Variants in CCL28 observed in about 807,000 individuals in gnomAD.
CCL28 encodes the protein C-C motif chemokine ligand 28.
CCL28 carries 4 observed loss-of-function variants against 7.1 expected under a neutral mutation model. The observed-to-expected ratio is 0.56, with a 90% CI of 0.28 to 1.29. CCL28 has a LOEUF of 1.29. Among genes scored for constraint, CCL28 ranks in the 50% most tolerant of loss-of-function variants. CCL28 has a pLI of 0.11. For missense variants in CCL28, 151 were observed against 163.4 expected (o/e 0.92, Z 0.41); for synonymous variants, 55 against 57.8 (o/e 0.95, Z 0.22).
At chr5:43,360,615 C>T in the CCL28 span, among the ~76,000 whole-genome samples, 2 of 152,070 alleles carry the variant, frequency 1.3e-5, no homozygotes, top group African/African-American at 4.8e-5. Context: ...TTTTTTATGG[C>T]TGCATAGTAT....
chr5:43,401,629 G>C (rs1741043409), intron 1 of CCL28, among the ~76,000 whole-genome samples: 1 of 152,178 alleles, frequency 6.6e-6, no homozygotes, highest in Non-Finnish European at 1.5e-5. Context: ...ACATTTAAGT[G>C]CTTAGAACAG....
intron 1 of CCL28, among the ~76,000 whole-genome samples, chr5:43,410,982 G>A (rs530747228): frequency 5.3e-5 from 8 of 152,240 alleles, no homozygotes; most frequent in Non-Finnish European, 8.8e-5. Context: ...GTACATTGAC[G>A]GACTATATTG....
the CCL28 span, among the ~76,000 whole-genome samples, chr5:43,364,492 AAAAT>A: frequency 6.6e-6 from 1 of 152,202 alleles, no homozygotes; most frequent in Non-Finnish European, 1.5e-5. Flanking sequence ...TGTGTTGATA[AAAAT>A]AAAGAATTTT....
chr5:43,391,042 G>A (rs1393401531), intron 1 of CCL28, among the ~76,000 whole-genome samples: 1 of 152,210 alleles, frequency 6.6e-6, no homozygotes, highest in Admixed American at 6.5e-5. Flanking sequence ...GTGTGCTTCT[G>A]TAGAGTGTGT....
At chr5:43,372,654 C>A (rs1288003924), downstream of CCL28, among the ~76,000 whole-genome samples, 2 of 152,072 alleles carry the variant, frequency 1.3e-5, no homozygotes, top group South Asian at 2.1e-4. Context: ...CAAGGGCGAG[C>A]CACCATGCCC....
chr5:43,397,614 A>T (rs1561163448), intron 1 of CCL28, among the ~76,000 whole-genome samples: 2 of 152,324 alleles, frequency 1.3e-5, no homozygotes, highest in South Asian at 4.1e-4. Flanking sequence ...AATTAATGCA[A>T]AAAAGTCTAT....
chr5:43,373,420 C>T (rs1739827317), downstream of CCL28, among the ~76,000 whole-genome samples: 1 of 152,078 alleles, frequency 6.6e-6, no homozygotes, highest in Admixed American at 6.5e-5. Flanking sequence ...CCTGCCTCAG[C>T]CTCCCGAGTA....
the CCL28 span, among the ~76,000 whole-genome samples, chr5:43,363,858 G>T: frequency 6.6e-6 from 1 of 152,152 alleles, no homozygotes; most frequent in Non-Finnish European, 1.5e-5. Context: ...GAGAGGAGAG[G>T]ATCATCTTAT....
At chr5:43,370,474 C>T in the CCL28 span, among the ~76,000 whole-genome samples, 1 of 152,098 alleles carries the variant, frequency 6.6e-6, no homozygotes, top group African/African-American at 2.4e-5. Flanking sequence ...CCTGCTTCTT[C>T]TAATATCTTT....
intron 1 of CCL28, among the ~76,000 whole-genome samples, chr5:43,409,097 G>C (rs1161578624): frequency 1.3e-5 from 2 of 152,038 alleles, no homozygotes; most frequent in Non-Finnish European, 2.9e-5. Flanking sequence ...GGGCAACATA[G>C]TGAGACTCTA....
At chr5:43,394,316 A>G (rs1202454399) in intron 1 of CCL28, among the ~76,000 whole-genome samples, 1 of 152,078 alleles carries the variant, frequency 6.6e-6, no homozygotes, top group Non-Finnish European at 1.5e-5. Flanking sequence ...TTGATCCTTT[A>G]CCTTTTAGAT....
At chr5:43,396,281 C>G (rs1740800438) in intron 1 of CCL28, among the ~76,000 whole-genome samples, 1 of 152,090 alleles carries the variant, frequency 6.6e-6, no homozygotes, top group African/African-American at 2.4e-5. Flanking sequence ...AGAGGTTACC[C>G]TTGTGGCCAT....
chr5:43,374,864 T>C (rs1489377316), downstream of CCL28, among the ~76,000 whole-genome samples: 1 of 152,096 alleles, frequency 6.6e-6, no homozygotes, highest in Non-Finnish European at 1.5e-5. Context: ...CCTCTCATTC[T>C]CTAGTTAAGC....
chr5:43,364,693 G>C, the CCL28 span, among the ~76,000 whole-genome samples: 1 of 152,096 alleles, frequency 6.6e-6, no homozygotes, highest in African/African-American at 2.4e-5. Context: ...GGGAGTCTAA[G>C]TCTCTTTGTA....
chr5:43,392,401 G>T (rs1740610885), intron 1 of CCL28, among the ~76,000 whole-genome samples: 1 of 152,162 alleles, frequency 6.6e-6, no homozygotes, highest in Non-Finnish European at 1.5e-5. Context: ...ACAGGTGTGA[G>T]CCACCATGCT....
intron 1 of CCL28, among the ~76,000 whole-genome samples, chr5:43,399,912 C>A (rs1232009768): frequency 6.7e-6 from 1 of 149,508 alleles, no homozygotes; most frequent in East Asian, 2.0e-4. Context: ...ATGGTGTGAT[C>A]ACGGCTCACC....
downstream of CCL28, among the ~76,000 whole-genome samples, chr5:43,375,419 G>C (rs1004511401): frequency 1.0e-5 from 1 of 97,900 alleles, no homozygotes; most frequent in African/African-American, 4.0e-5. Flanking sequence ...ATCCAGGGTA[G>C]CCAGAAACAG....
chr5:43,362,884 G>T, the CCL28 span, among the ~76,000 whole-genome samples: 3 of 152,148 alleles, frequency 2.0e-5, no homozygotes, highest in Non-Finnish European at 2.9e-5. Context: ...AATAAGATTT[G>T]TTCAGGCATG....
chr5:43,380,633 T>A lies in CCL28; in HGVS notation c.*1227A>T, dbSNP rs1340320450. 6.6e-6 allele frequency: 1 copy of A among 152,010 alleles called. No individual in the cohort carries two copies. Among genetic ancestry groups the A allele is most frequent in the African/African-American group, 2.4e-5 (1 of 41,350 alleles). 9.4% of individuals were successfully genotyped at this position (152,010 alleles called of 1,614,324 possible). Reference sequence around the variant, plus strand: ...CTGGGCAACATAGTGAGACCCTGTCTCTACAAAAAATAAACAAAATTAGCC... The same window carrying A: ...CTGGGCAACATAGTGAGACCCTGTCACTACAAAAAATAAACAAAATTAGCC... On this transcript the variant is annotated 3_prime_UTR_variant, in exon 3 of 3. Coordinates refer to ENST00000361115, the MANE Select transcript of CCL28 (RefSeq NM_148672.3).
Sources: gnomAD v4.1 joint callset for allele counts (sites outside exome capture counted in the v4.1 genomes callset) on GRCh38, gnomAD v4.1.1 for gene constraint, MANE v1.5 for transcripts, NCBI Gene and HGNC (gene_info 2026-07-23, HGNC 2026-07-21) for gene names.